MYLK: variants seen among roughly 807,000 people sequenced by gnomAD.
MYLK encodes myosin light chain kinase, smooth muscle.
Under a neutral mutation model 203.4 loss-of-function variants are expected in MYLK, and 106 were observed. That is an observed-to-expected ratio of 0.52 (90% confidence interval 0.45 to 0.61). The LOEUF is 0.61. MYLK is among the 20% of genes least tolerant of loss of function. MYLK has a pLI of 0.00. For synonymous variants in MYLK, 867 were observed against 959.5 expected, an observed-to-expected ratio of 0.90 and a Z score of 1.78; for missense variants, 2,072 against 2,442.3, an observed-to-expected ratio of 0.85 and a Z score of 3.20.
In MYLK at chr3:123,692,799, T is replaced by C. The variant is rs1576581032; in HGVS notation, c.3501A>G (p.Leu1167=). ...IEKALPEDRG[L]YKCVAKNDAG... ...CGTCATTCTTGGCTACACACTTGTA[T>C]AAGCCTCTGTCCTCAGGCAGTGCCT... Residue 1167 remains leucine, a synonymous_variant, in exon 19 of 34, where the codon TTA becomes TTG. Transcript: ENST00000360304. The C allele has an allele frequency of 6.2e-7, 1 of 1,614,046 alleles. No homozygotes were observed. Among genetic ancestry groups the C allele is most frequent in the Non-Finnish European group, 8.5e-7 (1 of 1,180,002 alleles).
At chr3:123,867,421 CA>C (rs4048400) in intron 2 of MYLK, among the ~76,000 whole-genome samples, 3,496 of 68,704 alleles carry the variant, frequency 0.051, 209 homozygotes, top group East Asian at 0.4. Context: ...GACTAGTATC[CA>C]AAAAAAAAAA....
At chr3:123,630,195 G>C (rs888548441) in intron 29 of MYLK, among the ~76,000 whole-genome samples, 7 of 152,230 alleles carry the variant, frequency 4.6e-5, no homozygotes, top group African/African-American at 1.7e-4. Flanking sequence ...AGGCATTTAT[G>C]CCAAACTAGA....
At chr3:123,827,693 CCATATATATA>C (rs2066168593) in intron 3 of MYLK, among the ~76,000 whole-genome samples, 1 of 34,366 alleles carries the variant, frequency 2.9e-5, no homozygotes, top group African/African-American at 1.0e-4. Context: ...ATGAAAAACA[CCATATATATA>C]TATATATATA....
At chr3:123,650,495 G>A (rs2059174949) in intron 24 of MYLK, among the ~76,000 whole-genome samples, 1 of 152,166 alleles carries the variant, frequency 6.6e-6, no homozygotes, top group South Asian at 2.1e-4. Flanking sequence ...GAGTGTGAGT[G>A]TGTTTAGAGT....
intron 4 of MYLK, among the ~76,000 whole-genome samples, chr3:123,768,178 C>T (rs191399327): frequency 7.2e-4 from 109 of 152,346 alleles, no homozygotes; most frequent in Non-Finnish European, 1.3e-3. Context: ...AGCTGCAGGA[C>T]GCAAGCATGA....
At chr3:123,787,845 G>A (rs2064597991) in intron 4 of MYLK, among the ~76,000 whole-genome samples, 1 of 152,118 alleles carries the variant, frequency 6.6e-6, no homozygotes, top group African/African-American at 2.4e-5. Context: ...AACCAATAGG[G>A]AGATAAAATA....
intron 20 of MYLK, among the ~76,000 whole-genome samples, chr3:123,674,228 G>T (rs531850908): frequency 1.3e-5 from 2 of 151,952 alleles, no homozygotes; most frequent in Non-Finnish European, 2.9e-5. Context: ...ACTGACAAAT[G>T]CCTGTTGTCT....
At chr3:123,667,329 C>CG in intron 20 of MYLK, 142 bp from the exon 21 acceptor site, 3 of 837,444 alleles carry the variant, frequency 3.6e-6, no homozygotes, top group Non-Finnish European at 5.9e-6. Context: ...AGGCTGAGCA[C>CG]GGTGGCTCAC....
chr3:123,638,264 G>A (rs1392006466), intron 28 of MYLK, 70 bp from the exon 29 acceptor site: 9 of 1,605,782 alleles, frequency 5.6e-6, no homozygotes, highest in African/African-American at 5.4e-5. Flanking sequence ...GCAGCTGCCC[G>A]AATCTGTGTG....
At chr3:123,734,345 G>T in intron 9 of MYLK, 123 bp from the exon 10 acceptor site, 2 of 994,702 alleles carry the variant, frequency 2.0e-6, no homozygotes, top group Non-Finnish European at 2.8e-6. Context: ...AAGCCCACAA[G>T]TTAAGGGCAA....
At chr3:123,832,173 T>C (rs2066351068) in intron 2 of MYLK, among the ~76,000 whole-genome samples, 1 of 151,782 alleles carries the variant, frequency 6.6e-6, no homozygotes, top group Non-Finnish European at 1.5e-5. Flanking sequence ...TCTAGAGGAG[T>C]GTCTCTCCTA....
intron 30 of MYLK, among the ~76,000 whole-genome samples, chr3:123,627,297 T>C (rs1178706564): frequency 2.0e-5 from 3 of 152,168 alleles, no homozygotes; most frequent in African/African-American, 7.2e-5. Context: ...GCTCCTCTCA[T>C]GAGGGCTGGG....
At chr3:123,850,851 T>A (rs1210348550) in intron 2 of MYLK, among the ~76,000 whole-genome samples, 2 of 152,220 alleles carry the variant, frequency 1.3e-5, no homozygotes, top group Non-Finnish European at 2.9e-5. Context: ...TTGCCTAGGT[T>A]TTCTTCTAGG....
At chr3:123,800,831 G>A (rs1467374863) in intron 3 of MYLK, among the ~76,000 whole-genome samples, 1 of 152,132 alleles carries the variant, frequency 6.6e-6, no homozygotes, top group Non-Finnish European at 1.5e-5. Flanking sequence ...TGCTTTCCCA[G>A]TAGTTCTCAA....
rs146780463 is a variant in MYLK, at chr3:123,752,272, A to G, written c.373+59T>C. On this transcript the variant is annotated intron_variant, in intron 5 of 33. Transcript: ENST00000360304. Reference sequence around the variant, plus strand: ...AAGAGAGGGCTAAGGCAGGAGCTGCAGGCCTTGGGGTAACTGAGAGCTCAG... The same window carrying G: ...AAGAGAGGGCTAAGGCAGGAGCTGCGGGCCTTGGGGTAACTGAGAGCTCAG... 4.1e-4 allele frequency: 636 copies of G among 1,552,534 alleles called. 5 individuals carry two copies. In the East Asian group the frequency reaches 9.3e-3, roughly 23 times the overall value.
At chr3:123,793,652 C>G in intron 4 of MYLK, 25 bp downstream of exon 4, 1 of 1,613,828 alleles carries the variant, frequency 6.2e-7, no homozygotes, top group Non-Finnish European at 8.5e-7. Flanking sequence ...TCCCCACAGC[C>G]TCCCCATCCA....
chr3:123,807,171 G>A (rs1269647206), intron 3 of MYLK, among the ~76,000 whole-genome samples: 1 of 152,074 alleles, frequency 6.6e-6, no homozygotes, highest in Non-Finnish European at 1.5e-5. Flanking sequence ...GCTCACACCT[G>A]TAATCCCAGC....
At chr3:123,715,688 C>G (rs1003690277) in intron 13 of MYLK, among the ~76,000 whole-genome samples, 9 of 152,174 alleles carry the variant, frequency 5.9e-5, no homozygotes, top group Non-Finnish European at 1.2e-4. Context: ...ACACTAGGAA[C>G]CCACTGTTGC....
intron 31 of MYLK, chr3:123,620,559 A>T: frequency 7.2e-7 from 1 of 1,385,896 alleles, no homozygotes; most frequent in Non-Finnish European, 9.4e-7. Context: ...GGGGCCTGGA[A>T]CTGATGTGTG....
Sources: gnomAD v4.1 joint callset for allele counts (sites outside exome capture counted in the v4.1 genomes callset) on GRCh38, gnomAD v4.1.1 for gene constraint, MANE v1.5 for transcripts, NCBI Gene and HGNC (gene_info 2026-07-23, HGNC 2026-07-21) for gene names.